The following MECOM variants were observed in gnomAD, a reference collection of about 807,000 sequenced individuals.
MECOM encodes the protein histone-lysine N-methyltransferase MECOM.
A neutral mutation model predicts 116.3 loss-of-function variants in MECOM; 13 were observed. The ratio of observed to expected loss-of-function variants is 0.11; its 90% CI spans 0.07 to 0.18. MECOM has a LOEUF of 0.18. MECOM is among the 10% of genes least tolerant of loss of function. The pLI is 1.00. For missense variants in MECOM, 1,299 were observed against 1,509.0 expected (o/e 0.86, Z 2.31); for synonymous variants, 528 against 535.2 (o/e 0.99, Z 0.19).
intron 2 of MECOM, among the ~76,000 whole-genome samples, chr3:169,151,462 A>G (rs1741158707): frequency 6.6e-6 from 1 of 152,206 alleles, no homozygotes; most frequent in African/African-American, 2.4e-5. Context: ...GTGGCTAAAT[A>G]TACACTAAAC....
intron 7 of MECOM, among the ~76,000 whole-genome samples, chr3:169,119,381 T>C (rs956753875): frequency 6.6e-6 from 1 of 152,252 alleles, no homozygotes; most frequent in Non-Finnish European, 1.5e-5. Context: ...GAATGCCATC[T>C]GCTATTTAAA....
intron 2 of MECOM, among the ~76,000 whole-genome samples, chr3:169,230,529 T>C (rs1753252761): frequency 6.6e-6 from 1 of 152,156 alleles, no homozygotes; most frequent in African/African-American, 2.4e-5. Context: ...ATTAAAAAGA[T>C]GCATAACAAG....
intron 2 of MECOM, among the ~76,000 whole-genome samples, chr3:169,219,850 T>A (rs1453494573): frequency 6.7e-6 from 1 of 149,264 alleles, no homozygotes; most frequent in Non-Finnish European, 1.5e-5. Flanking sequence ...TAATTTTTTA[T>A]CAAGAATACA....
In MECOM at chr3:169,142,169, A is replaced by G. The variant is rs1738303273; in HGVS notation, c.510+1529T>C. On this transcript the variant is annotated intron_variant, in intron 3 of 16. Transcript: ENST00000651503. Reference sequence around the variant, plus strand: ...ATTTATTATAAAACACTACACACATAAATATTAAATGAAAAAATGGCTGCA... The same window carrying G: ...ATTTATTATAAAACACTACACACATGAATATTAAATGAAAAAATGGCTGCA... Among the ~76,000 whole-genome samples the G allele has an allele frequency of 3.3e-5, 5 of 152,078 alleles. No homozygotes were observed. The South Asian group carries it at 1.0e-3, about 32-fold the overall frequency.
intron 1 of MECOM, among the ~76,000 whole-genome samples, chr3:169,543,020 G>T (rs1448926557): frequency 6.6e-6 from 1 of 152,136 alleles, no homozygotes; most frequent in Non-Finnish European, 1.5e-5. Flanking sequence ...ATTTGAAATT[G>T]GGATCATTCT....
intron 2 of MECOM, among the ~76,000 whole-genome samples, chr3:169,277,667 G>A (rs1035502024): frequency 6.6e-6 from 1 of 152,140 alleles, no homozygotes; most frequent in African/African-American, 2.4e-5. Context: ...TACAAATGAA[G>A]CTTCCTTTGA....
chr3:169,283,636 T>C (rs1712645127), intron 2 of MECOM, among the ~76,000 whole-genome samples: 1 of 152,182 alleles, frequency 6.6e-6, no homozygotes, highest in South Asian at 2.1e-4. Flanking sequence ...ATCTCTCTCA[T>C]ATTTAATGGA....
intron 2 of MECOM, among the ~76,000 whole-genome samples, chr3:169,248,305 G>A (rs962681116): frequency 6.6e-5 from 10 of 152,146 alleles, no homozygotes; most frequent in African/African-American, 2.2e-4. Flanking sequence ...GCCCCTAAAT[G>A]ATTTGTTTTC....
At position 169,571,396 on chromosome 3, in the gene MECOM, C is replaced by T. The variant is rs1159190909; in HGVS notation, c.37+91940G>A. Among the ~76,000 whole-genome samples the T allele has an allele frequency of 2.0e-5, 3 of 152,140 alleles. No individual in the cohort carries two copies. In the South Asian group the frequency reaches 6.2e-4, roughly 32 times the overall value. ...GCTCATGAATAGGAAGAATTACTAT[C>T]ATGAAAATGGCCATACTGCCCAAAG... On this transcript the variant is annotated intron_variant, in intron 1 of 16. Coordinates refer to ENST00000651503, the MANE Select transcript of MECOM (RefSeq NM_004991.4).
chr3:169,292,658 G>A (rs1714803536), intron 2 of MECOM, among the ~76,000 whole-genome samples: 1 of 152,154 alleles, frequency 6.6e-6, no homozygotes, highest in Non-Finnish European at 1.5e-5. Flanking sequence ...AACCATAAGG[G>A]TGAAGTGCAT....
chr3:169,524,123 T>A (rs895140482), intron 1 of MECOM, among the ~76,000 whole-genome samples: 23 of 150,938 alleles, frequency 1.5e-4, no homozygotes, highest in African/African-American at 5.3e-4. Flanking sequence ...TCTGGCATCT[T>A]ATCCCTGAAC....
At chr3:169,148,896 G>C (rs1307243039) in intron 2 of MECOM, among the ~76,000 whole-genome samples, 1 of 152,040 alleles carries the variant, frequency 6.6e-6, no homozygotes, top group Non-Finnish European at 1.5e-5. Flanking sequence ...TTCAGATAAT[G>C]GCCATTGTTT....
intron 1 of MECOM, among the ~76,000 whole-genome samples, chr3:169,400,135 A>C (rs1286841603): frequency 1.3e-5 from 2 of 152,216 alleles, no homozygotes; most frequent in African/African-American, 4.8e-5. Context: ...TGTCAATTTT[A>C]TGGAGTTTCT....
At chr3:169,454,047 T>G (rs949056503) in intron 1 of MECOM, among the ~76,000 whole-genome samples, 1 of 152,138 alleles carries the variant, frequency 6.6e-6, no homozygotes, top group Admixed American at 6.6e-5. Flanking sequence ...CCCTCCTCCA[T>G]CACCCATTTC....
chr3:169,419,259 G>A (rs1739285822), intron 1 of MECOM, among the ~76,000 whole-genome samples: 1 of 152,046 alleles, frequency 6.6e-6, no homozygotes, highest in African/African-American at 2.4e-5. Context: ...ACAAACAAAT[G>A]GAAAAATATT....
chr3:169,289,079 A>G (rs796613200), intron 2 of MECOM, among the ~76,000 whole-genome samples: 16 of 152,344 alleles, frequency 1.1e-4, no homozygotes, highest in African/African-American at 3.8e-4. Flanking sequence ...TGCACAGTGA[A>G]TATCAGATGG....
intron 1 of MECOM, among the ~76,000 whole-genome samples, chr3:169,491,027 A>G (rs1306565929): frequency 6.6e-6 from 1 of 152,018 alleles, no homozygotes; most frequent in Non-Finnish European, 1.5e-5. Flanking sequence ...CCCAGTTAAC[A>G]TTTTAATTTT....
intron 1 of MECOM, among the ~76,000 whole-genome samples, chr3:169,467,987 T>G (rs1748581836): frequency 6.6e-6 from 1 of 152,176 alleles, no homozygotes; most frequent in Non-Finnish European, 1.5e-5. Flanking sequence ...GGCTCTGTGG[T>G]TACTTTTCTG....
At chr3:169,378,521 A>G (rs1731750247) in intron 2 of MECOM, among the ~76,000 whole-genome samples, 1 of 24,472 alleles carries the variant, frequency 4.1e-5, no homozygotes, top group African/African-American at 1.6e-4. Flanking sequence ...AAGAAAAGAA[A>G]GAAAGAAAGA....
Sources: allele counts gnomAD v4.1 joint callset (sites outside exome capture counted in the v4.1 genomes callset), GRCh38; gene constraint gnomAD v4.1.1; transcripts MANE v1.5; gene names NCBI Gene and HGNC (gene_info 2026-07-23, HGNC 2026-07-21).